The following XKR9 variants were observed in gnomAD, a reference collection of about 807,000 sequenced individuals.
XKR9 encodes XK related 9, also known as XK-related protein 9.
Under a neutral mutation model 32.0 loss-of-function variants are expected in XKR9, and 32 were observed. The ratio of observed to expected loss-of-function variants is 1.00; its 90% CI spans 0.76 to 1.34. XKR9 has a LOEUF of 1.34. Ranked by LOEUF, XKR9 falls within the 40% of genes most tolerant of loss-of-function variation. The pLI is 0.00. For missense variants in XKR9, 546 were observed against 429.7 expected (o/e 1.27, Z -2.39); for synonymous variants, 168 against 143.4 (o/e 1.17, Z -1.22).
chr8:70,987,877 G>A, the XKR9 span, among the ~76,000 whole-genome samples: 1 of 152,134 alleles, frequency 6.6e-6, no homozygotes, highest in Non-Finnish European at 1.5e-5. Flanking sequence ...AAATCTAGGT[G>A]GAGGTTCCTA....
the XKR9 span, among the ~76,000 whole-genome samples, chr8:70,827,106 C>T: frequency 3.5e-3 from 527 of 152,180 alleles, 3 homozygotes; most frequent in African/African-American, 0.012. Context: ...ACCATGAAGT[C>T]ACTTGAGAAC....
the XKR9 span, among the ~76,000 whole-genome samples, chr8:71,008,458 G>A: frequency 6.6e-6 from 1 of 152,132 alleles, no homozygotes; most frequent in South Asian, 2.1e-4. Context: ...GGCAGATTTT[G>A]TCTGTGCCTT....
At chr8:70,982,498 T>C in the XKR9 span, among the ~76,000 whole-genome samples, 1 of 152,018 alleles carries the variant, frequency 6.6e-6, no homozygotes, top group Admixed American at 6.6e-5. Flanking sequence ...CTCTCCCTGC[T>C]CCCACACAGC....
intron 2 of XKR9, among the ~76,000 whole-genome samples, chr8:70,746,726 A>C (rs1378772691): frequency 6.6e-6 from 1 of 151,352 alleles, no homozygotes; most frequent in African/African-American, 2.4e-5. Flanking sequence ...CCCAAAACTC[A>C]TGCTTAAACT....
intron 2 of XKR9, among the ~76,000 whole-genome samples, chr8:70,777,724 T>C (rs1807552330): frequency 6.6e-6 from 1 of 152,364 alleles, no homozygotes; most frequent in East Asian, 1.9e-4. Flanking sequence ...TGAGCATTTT[T>C]TTCATATGTC....
the XKR9 span, among the ~76,000 whole-genome samples, chr8:71,003,308 A>G: frequency 1.4e-5 from 2 of 147,638 alleles, no homozygotes; most frequent in Non-Finnish European, 3.1e-5. Flanking sequence ...GAGTGGGGGG[A>G]AAAAGCTTAT....
At chr8:70,732,227 A>G (rs372236856) in intron 4 of XKR9, among the ~76,000 whole-genome samples, 1 of 152,218 alleles carries the variant, frequency 6.6e-6, no homozygotes. Context: ...AGAAAGAAGG[A>G]GGCATTGGCA....
the XKR9 span, among the ~76,000 whole-genome samples, chr8:70,890,844 T>G: frequency 2.6e-5 from 4 of 152,020 alleles, no homozygotes; most frequent in African/African-American, 9.7e-5. Context: ...TCCTCTTCAA[T>G]TTTCTGGAAG....
the XKR9 span, among the ~76,000 whole-genome samples, chr8:70,998,888 G>A: frequency 6.6e-6 from 1 of 152,236 alleles, no homozygotes; most frequent in Admixed American, 6.5e-5. Context: ...TTGATTCCAG[G>A]ACCCTCAAGT....
At chr8:70,970,567 TG>T in the XKR9 span, among the ~76,000 whole-genome samples, 1 of 152,042 alleles carries the variant, frequency 6.6e-6, no homozygotes, top group African/African-American at 2.4e-5. Context: ...GAACATACGG[TG>T]TTTGGTTTTC....
chr8:70,713,316 A>G (rs1171817289), intron 4 of XKR9, among the ~76,000 whole-genome samples: 3 of 152,156 alleles, frequency 2.0e-5, no homozygotes, highest in Admixed American at 6.6e-5. Context: ...TCTAATATAC[A>G]TCTGAACAGA....
At chr8:70,850,530 A>G in the XKR9 span, among the ~76,000 whole-genome samples, 1 of 151,876 alleles carries the variant, frequency 6.6e-6, no homozygotes, top group African/African-American at 2.4e-5. Context: ...TCGATGCAAA[A>G]ATCCTCAATG....
At chr8:70,776,656 T>C (rs542433360) in intron 2 of XKR9, among the ~76,000 whole-genome samples, 1 of 152,102 alleles carries the variant, frequency 6.6e-6, no homozygotes, top group Admixed American at 6.6e-5. Flanking sequence ...AGGTTCTCCT[T>C]GTAGGCTGGA....
At chr8:70,788,583 A>G (rs1807722553) in intron 2 of XKR9, among the ~76,000 whole-genome samples, 1 of 152,144 alleles carries the variant, frequency 6.6e-6, no homozygotes, top group Non-Finnish European at 1.5e-5. Flanking sequence ...CTTATGTAAC[A>G]TGGTAATTAT....
chr8:70,944,464 G>C, the XKR9 span, among the ~76,000 whole-genome samples: 1 of 152,204 alleles, frequency 6.6e-6, no homozygotes, highest in South Asian at 2.1e-4. Context: ...AGAAAGAGGA[G>C]TACATGAGAG....
chr8:70,912,652 CTG>C, the XKR9 span, among the ~76,000 whole-genome samples: 1 of 152,004 alleles, frequency 6.6e-6, no homozygotes, highest in Non-Finnish European at 1.5e-5. Flanking sequence ...ATATTCTTGT[CTG>C]GAGCTCAGAC....
At chr8:70,739,148 G>C (rs984367731), downstream of XKR9, among the ~76,000 whole-genome samples, 7 of 151,984 alleles carry the variant, frequency 4.6e-5, no homozygotes, top group Non-Finnish European at 8.8e-5. Context: ...GAATCTGGGT[G>C]CTCCTGTATT....
chr8:70,967,065 C>CTTTTTTTTTTTTTTTTTTTTTTTTT, the XKR9 span, among the ~76,000 whole-genome samples: 4 of 101,282 alleles, frequency 3.9e-5, no homozygotes, highest in Non-Finnish European at 5.9e-5. Flanking sequence ...GATCTTGACT[C>CTTTTTTTTTTTTTTTTTTTTTTTTT]TTTTTTTTTT....
the XKR9 span, among the ~76,000 whole-genome samples, chr8:70,862,078 T>A: frequency 1.3e-5 from 2 of 152,282 alleles, no homozygotes; most frequent in African/African-American, 4.8e-5. Flanking sequence ...ATCACCAGTG[T>A]GATTTATTGG....
Sources: allele counts gnomAD v4.1 joint callset (sites outside exome capture counted in the v4.1 genomes callset), GRCh38; gene constraint gnomAD v4.1.1; transcripts MANE v1.5; gene names NCBI Gene and HGNC (gene_info 2026-07-23, HGNC 2026-07-21).